CTNNA3: variants seen among roughly 807,000 people sequenced by gnomAD.
The protein encoded by CTNNA3 is catenin alpha-3.
Under a neutral mutation model 95.7 loss-of-function variants are expected in CTNNA3, and 76 were observed. That is an observed-to-expected ratio of 0.79 (90% CI 0.66 to 0.96). The LOEUF (loss-of-function observed/expected upper bound fraction) is 0.96, where lower values mean the gene tolerates loss of function less well. CTNNA3 is among the 40% of genes least tolerant of loss of function. The pLI, the probability that CTNNA3 is intolerant of heterozygous loss-of-function variation, is 0.00. For missense variants in CTNNA3, 1,191 were observed against 1,089.8 expected, an observed-to-expected ratio of 1.09 and a Z score of -1.31; for synonymous variants, 431 against 374.4, an observed-to-expected ratio of 1.15 and a Z score of -1.74.
intron 5 of CTNNA3, among the ~76,000 whole-genome samples, chr10:67,364,748 T>G (rs1843141917): frequency 6.6e-6 from 1 of 152,146 alleles, no homozygotes; most frequent in African/African-American, 2.4e-5. Flanking sequence ...TGGAAAAACA[T>G]TCCATGCTCA....
At chr10:66,447,047 C>A (rs1309895126) in intron 11 of CTNNA3, among the ~76,000 whole-genome samples, 1 of 151,308 alleles carries the variant, frequency 6.6e-6, no homozygotes, top group African/African-American at 2.4e-5. Context: ...AAACAGAGAG[C>A]CAAATCATGA....
At position 66,715,594 on chromosome 10, in the gene CTNNA3, A is replaced by C. The variant is rs1848425628; in HGVS notation, c.1281+50670T>G. On this transcript the variant is annotated intron_variant, in intron 9 of 17. Transcript: ENST00000433211. The stretch of plus-strand genomic sequence containing the variant: ...AATGACAAATGAAAAGTATTATGTA[A>C]GGCAATAGTTTTTAGATAACTAAAA... Among the ~76,000 whole-genome samples, 2 of 152,208 alleles carry C rather than the reference A, an allele frequency of 1.3e-5. 1 individual carries two copies. Among genetic ancestry groups the C allele is most frequent in the Non-Finnish European group, 2.9e-5 (2 of 68,022 alleles).
chr10:67,432,987 ATT>A (rs762244732), intron 5 of CTNNA3, among the ~76,000 whole-genome samples: 51 of 152,174 alleles, frequency 3.4e-4, no homozygotes, highest in Non-Finnish European at 5.7e-4. Flanking sequence ...GATAGAATGC[ATT>A]TTTAATTTCC....
chr10:66,236,139 T>C (rs1024238586), intron 13 of CTNNA3, among the ~76,000 whole-genome samples: 3 of 152,006 alleles, frequency 2.0e-5, no homozygotes, highest in Non-Finnish European at 4.4e-5. Flanking sequence ...AAAGTAAGAA[T>C]GGAAAAACAA....
chr10:66,534,297 C>T (rs1841572125), intron 10 of CTNNA3, among the ~76,000 whole-genome samples: 1 of 151,860 alleles, frequency 6.6e-6, no homozygotes, highest in Non-Finnish European at 1.5e-5. Flanking sequence ...GCAATTTTAC[C>T]ACACATTTAA....
rs1399614121 is a variant in CTNNA3 at position 66,010,448 on chromosome 10, T to C, written c.2160-21651A>G. On this transcript the variant is annotated intron_variant, in intron 15 of 17. Transcript: ENST00000433211. ...CAAAAGGAGAAAGAGGAATTCAAATTGAAAACTGGAAAACATTGTTACAAA... is the reference window on the plus strand; with the variant it reads ...CAAAAGGAGAAAGAGGAATTCAAATCGAAAACTGGAAAACATTGTTACAAA... Among the ~76,000 whole-genome samples, 8 of 152,102 alleles carry C rather than the reference T, an allele frequency of 5.3e-5. No individual in the cohort carries two copies. In the East Asian group the frequency reaches 1.5e-3, roughly 29 times the overall value.
intron 13 of CTNNA3, among the ~76,000 whole-genome samples, chr10:66,115,307 C>T (rs1316706091): frequency 6.6e-6 from 1 of 152,134 alleles, no homozygotes. Context: ...ACAGCAGATA[C>T]AGAGAAGTGT....
chr10:66,845,703 C>CAAAAAAAAAAAAAACAAAAAAAAAAAAAA (rs1843223437), intron 7 of CTNNA3, among the ~76,000 whole-genome samples: 2 of 23,534 alleles, frequency 8.5e-5, no homozygotes, highest in African/African-American at 2.0e-4. Flanking sequence ...AACTCTGTCT[C>CAAAAAAAAAAAAAACAAAAAAAAAAAAAA]AAAAAAAAAA....
At chr10:66,807,761 C>G (rs910302440) in intron 7 of CTNNA3, among the ~76,000 whole-genome samples, 1 of 151,966 alleles carries the variant, frequency 6.6e-6, no homozygotes, top group Non-Finnish European at 1.5e-5. Flanking sequence ...GTTATCTTCC[C>G]CAGGCCTGTT....
chr10:67,283,391 A>G (rs1445519085), intron 5 of CTNNA3, among the ~76,000 whole-genome samples: 2 of 152,158 alleles, frequency 1.3e-5, no homozygotes. Flanking sequence ...CACGCACCCT[A>G]AGAGGCAAAA....
At chr10:67,447,122 A>T (rs942953592) in intron 5 of CTNNA3, among the ~76,000 whole-genome samples, 5 of 151,982 alleles carry the variant, frequency 3.3e-5, no homozygotes, top group South Asian at 2.1e-4. Context: ...AAAAAACAAT[A>T]AAAAAAATGA....
intron 7 of CTNNA3, among the ~76,000 whole-genome samples, chr10:66,806,369 A>C (rs1841644530): frequency 6.6e-6 from 1 of 151,564 alleles, no homozygotes. Context: ...ACAATGAGGA[A>C]ATTGAGGTTT....
chr10:66,408,638 C>T (rs2093076203), intron 11 of CTNNA3, among the ~76,000 whole-genome samples: 1 of 152,094 alleles, frequency 6.6e-6, no homozygotes, highest in African/African-American at 2.4e-5. Flanking sequence ...AATATTCCTC[C>T]AACTTTCCAT....
intron 1 of CTNNA3, among the ~76,000 whole-genome samples, chr10:67,702,174 A>G (rs1481146473): frequency 6.6e-6 from 1 of 152,134 alleles, no homozygotes; most frequent in Non-Finnish European, 1.5e-5. Flanking sequence ...TACAATAATA[A>G]TGGGAGACTT....
rs556773344 is a variant in CTNNA3, at chr10:66,293,050, G to A, written c.1733-12429C>T. Among the ~76,000 whole-genome samples, 210 of 152,188 alleles carry A rather than the reference G, an allele frequency of 1.4e-3. 1 individual carries two copies. The highest frequency in any genetic ancestry group is 5.0e-3 in the African/African-American group (206 of 41,524). ...TCAATAGATATTTACTTATTGATAT[G>A]TATAAGTTTTGATGATCACAAAACT... On this transcript the variant is annotated intron_variant, in intron 12 of 17. Coordinates refer to ENST00000433211, the MANE Select transcript of CTNNA3 (RefSeq NM_013266.4).
chr10:67,147,793 GA>G, intron 7 of CTNNA3, among the ~76,000 whole-genome samples: 2 of 152,020 alleles, frequency 1.3e-5, no homozygotes, highest in East Asian at 1.9e-4. Flanking sequence ...ACAAAAATGT[GA>G]AAAAAATGTG....
intron 1 of CTNNA3, among the ~76,000 whole-genome samples, chr10:67,702,662 C>T (rs1841050771): frequency 6.6e-6 from 1 of 152,102 alleles, no homozygotes; most frequent in Admixed American, 6.5e-5. Flanking sequence ...TAAATGCCCA[C>T]AAGAGAAAGC....
At chr10:66,541,526 A>T (rs1841850730) in intron 10 of CTNNA3, among the ~76,000 whole-genome samples, 2 of 152,160 alleles carry the variant, frequency 1.3e-5, no homozygotes, top group African/African-American at 4.8e-5. Context: ...TTTCTCACCA[A>T]TTCCTTTACT....
chr10:67,508,879 A>T (rs1839513137), intron 5 of CTNNA3, among the ~76,000 whole-genome samples: 1 of 147,240 alleles, frequency 6.8e-6, no homozygotes, highest in South Asian at 2.1e-4. Context: ...CTAAATAGAC[A>T]TTTTTTTTTT....
Sources: allele counts gnomAD v4.1 joint callset (sites outside exome capture counted in the v4.1 genomes callset), GRCh38; gene constraint gnomAD v4.1.1; transcripts MANE v1.5; gene names NCBI Gene and HGNC (gene_info 2026-07-23, HGNC 2026-07-21).